The following TTK variants were observed in gnomAD, a reference collection of about 807,000 sequenced individuals.
TTK encodes dual specificity protein kinase TTK.
TTK carries 59 observed loss-of-function variants against 117.3 expected under a neutral mutation model. That is an observed-to-expected ratio of 0.50 (90% CI 0.41 to 0.62). The LOEUF (loss-of-function observed/expected upper bound fraction) is 0.62, where lower values mean the gene tolerates loss of function less well. Ranked by LOEUF, TTK falls within the 20% of genes least tolerant of loss-of-function variation. The pLI is 0.00. For synonymous variants in TTK, 302 were observed against 325.0 expected (o/e 0.93, Z 0.76); for missense variants, 921 against 989.4 (o/e 0.93, Z 0.93).
At position 80,007,991 on chromosome 6, in the gene TTK, A is replaced by ACAGC; in HGVS notation, c.322_323insCAGC (p.Ser108ThrfsTer5). 1.3e-6 allele frequency: 2 copies of ACAGC among 1,591,586 alleles called. No homozygotes were observed. Among genetic ancestry groups the ACAGC allele is most frequent in the Non-Finnish European group, 1.7e-6 (2 of 1,159,996 alleles). On this transcript the variant is annotated frameshift_variant, in exon 3 of 22. Coordinates refer to ENST00000369798, the MANE Select transcript of TTK (RefSeq NM_003318.5). LOFTEE classifies it high-confidence loss of function. ...CCCAGATAAATATGGCCAAAATGAG[A>ACAGC]GTTTTGCTAGAATTCAAGTGAGATT...
chr6:80,015,713 G>T (rs903898738), intron 10 of TTK, among the ~76,000 whole-genome samples: 4 of 152,106 alleles, frequency 2.6e-5, no homozygotes, highest in Non-Finnish European at 4.4e-5. Flanking sequence ...CTTGTTAATA[G>T]TACTCTCAAT....
intron 11 of TTK, among the ~76,000 whole-genome samples, chr6:80,025,701 T>C (rs1182291493): frequency 6.6e-6 from 1 of 152,184 alleles, no homozygotes; most frequent in Non-Finnish European, 1.5e-5. Flanking sequence ...TGTAAACAAA[T>C]TGGCATAGCC....
chr6:80,014,373 G>A, intron 9 of TTK, 90 bp from the exon 10 acceptor site: 2 of 1,201,786 alleles, frequency 1.7e-6, no homozygotes, highest in Non-Finnish European at 2.2e-6. Context: ...AGCAATCCAT[G>A]TATAGATAAG....
In TTK at chr6:80,023,329, C is replaced by T. The variant is rs767661463; in HGVS notation, c.1257+857C>T. ...TAACTGAGGGCTGGGCACGATGGCT[C>T]ACGCCTGTAATCCCAGCACTTTGGG... On this transcript the variant is annotated intron_variant, in intron 11 of 21. Transcript: ENST00000369798. Among the ~76,000 whole-genome samples, 128 of 152,348 alleles carry T rather than the reference C, an allele frequency of 8.4e-4. 1 individual carries two copies. Among genetic ancestry groups the T allele is most frequent in the Middle Eastern group, 3.4e-3 (1 of 294 alleles).
intron 11 of TTK, among the ~76,000 whole-genome samples, chr6:80,023,503 G>C (rs532934363): frequency 6.6e-5 from 10 of 151,086 alleles, no homozygotes; most frequent in Non-Finnish European, 1.3e-4. Context: ...TGAGGCAGGA[G>C]AATGGTGTGA....
intron 6 of TTK, 65 bp downstream of exon 6, chr6:80,011,613 G>A: frequency 6.5e-7 from 1 of 1,531,046 alleles, no homozygotes; most frequent in Non-Finnish European, 9.0e-7. Context: ...GTTTTTTAAT[G>A]TAATTACATG....
intron 12 of TTK, among the ~76,000 whole-genome samples, chr6:80,026,809 A>G (rs1168651712): frequency 6.6e-6 from 1 of 152,236 alleles, no homozygotes; most frequent in Non-Finnish European, 1.5e-5. Flanking sequence ...ATGTATTGCC[A>G]TACAGATATC....
At chr6:80,029,722 A>G (rs1046127978) in intron 13 of TTK, among the ~76,000 whole-genome samples, 3 of 152,218 alleles carry the variant, frequency 2.0e-5, no homozygotes, top group Non-Finnish European at 4.4e-5. Context: ...GAAGAGGTTG[A>G]AGCAGGGAAG....
At chr6:80,019,869 C>G (rs939710331) in intron 10 of TTK, among the ~76,000 whole-genome samples, 4 of 152,060 alleles carry the variant, frequency 2.6e-5, no homozygotes, top group African/African-American at 9.7e-5. Flanking sequence ...GGTCAATAAA[C>G]TCAGACAAAA....
chr6:80,008,532 T>A, intron 4 of TTK, 40 bp downstream of exon 4: 1 of 1,545,110 alleles, frequency 6.5e-7, no homozygotes, highest in Non-Finnish European at 8.8e-7. Flanking sequence ...AAGTAAAGGA[T>A]AACTTATTAC....
At chr6:80,008,345 T>A in intron 3 of TTK, 41 bp from the exon 4 acceptor site, 7 of 1,568,570 alleles carry the variant, frequency 4.5e-6, no homozygotes, top group Non-Finnish European at 6.1e-6. Context: ...TAAGTAGCTA[T>A]GTTCTTTTTC....
rs777450898 is a variant in TTK at position 80,005,997 on chromosome 6, T to C, written c.139+15T>C. On this transcript the variant is annotated intron_variant, in intron 2 of 21. Coordinates refer to ENST00000369798, the MANE Select transcript of TTK (RefSeq NM_003318.5). ...TGATACTACAGGTGAGTTTTTCTTTTCTTTTAAGTTAGTAACTGTTTGTTG... is the reference window on the plus strand; with the variant it reads ...TGATACTACAGGTGAGTTTTTCTTTCCTTTTAAGTTAGTAACTGTTTGTTG... 2.5e-6 allele frequency: 4 copies of C among 1,597,122 alleles called. No homozygotes were observed. Among genetic ancestry groups the C allele is most frequent in the Admixed American group, 1.8e-5 (1 of 54,772 alleles).
intron 11 of TTK, 96 bp from the exon 12 acceptor site, chr6:80,026,277 ATATGT>A: frequency 8.1e-7 from 1 of 1,234,028 alleles, no homozygotes; most frequent in Non-Finnish European, 1.1e-6. Flanking sequence ...TTTGTATATC[ATATGT>A]TATTATTTTA....
chr6:80,010,918 A>T lies in TTK; in HGVS notation c.574A>T (p.Lys192Ter), dbSNP rs1335082917. 6.2e-7 allele frequency: 1 copy of T among 1,612,418 alleles called. No homozygotes were observed. Among genetic ancestry groups the T allele is most frequent in the Non-Finnish European group, 8.5e-7 (1 of 1,178,698 alleles). The change falls in exon 5 of 22, where the codon AAG becomes TAG. Residue 192 changes from lysine (K) to a stop codon, truncating the protein, a stop_gained. Transcript: ENST00000369798. LOFTEE classifies it high-confidence loss of function. ...IALRNLNLQK[K>*]QLLSEEEKKN... ...CCTGCGGAATTTAAACCTCCAAAAA[A>T]AGCAGCTGCTTTCAGAGGAGGAAAA...
At chr6:80,010,758 T>C in intron 4 of TTK, 56 bp from the exon 5 acceptor site, 1 of 1,502,752 alleles carries the variant, frequency 6.7e-7, no homozygotes, top group Non-Finnish European at 8.9e-7. Flanking sequence ...ATCTGGGTGG[T>C]CTGGGTGGTG....
Position 80,040,182 on chromosome 6 carries a change from CTTTGT to C in TTK, c.2308-10_2308-6del, listed in dbSNP as rs1768008868. 3 of 1,533,590 alleles carry C rather than the reference CTTTGT, an allele frequency of 2.0e-6. No individual in the cohort carries two copies. The highest frequency in any genetic ancestry group is 1.3e-5 in the South Asian group (1 of 74,404). The allele number at this position is 1,533,590 out of a possible 1,614,324, so 95.0% of individuals were successfully genotyped here. ...CTGCTTTGTTTTTCTTTTAAAATATCTTTGTTTTAATAGTGTTGTTTAAAAAGGGA... is the reference window on the plus strand; with the variant it reads ...CTGCTTTGTTTTTCTTTTAAAATATCTTTAATAGTGTTGTTTAAAAAGGGA... On this transcript the variant is annotated splice_polypyrimidine_tract_variant and intron_variant, in intron 19 of 21. Coordinates refer to ENST00000369798, the MANE Select transcript of TTK (RefSeq NM_003318.5).
rs557680232 is a variant in TTK, at chr6:80,031,921, C to A, written c.1614+362C>A. ...AATTGCTAATATGTTTAGAATCATT[C>A]AGCAAGGATTTTTACTAATGGATTT... On this transcript the variant is annotated intron_variant, in intron 14 of 21. Transcript: ENST00000369798. 1.2e-3 allele frequency among the ~76,000 whole-genome samples: 178 copies of A among 152,246 alleles called. 1 individual carries two copies. The highest frequency in any genetic ancestry group is 4.2e-3 in the African/African-American group (176 of 41,546).
intron 5 of TTK, 122 bp downstream of exon 5, chr6:80,011,079 A>G: frequency 2.4e-6 from 3 of 1,240,888 alleles, no homozygotes; most frequent in South Asian, 2.1e-5. Flanking sequence ...ATTAAATTGT[A>G]AAGGAGGTAA....
chr6:80,017,210 C>G (rs1054710063), intron 10 of TTK, among the ~76,000 whole-genome samples: 2 of 152,150 alleles, frequency 1.3e-5, no homozygotes, highest in Non-Finnish European at 2.9e-5. Context: ...CCTCACTGAC[C>G]TGTTGTAAAT....
Sources: gnomAD v4.1 joint callset for allele counts (sites outside exome capture counted in the v4.1 genomes callset) on GRCh38, gnomAD v4.1.1 for gene constraint, MANE v1.5 for transcripts, NCBI Gene and HGNC (gene_info 2026-07-23, HGNC 2026-07-21) for gene names.